The following MAPK4 variants were observed in gnomAD, a reference collection of about 807,000 sequenced individuals.
MAPK4 encodes the protein Erk3-related.
In MAPK4, 22 loss-of-function variants were observed where a neutral mutation model predicts 47.7. The ratio of observed to expected loss-of-function variants is 0.46; its 90% CI spans 0.33 to 0.66. The LOEUF (loss-of-function observed/expected upper bound fraction) is 0.66, where lower values mean the gene tolerates loss of function less well. Among genes scored for constraint, MAPK4 ranks in the 30% least tolerant of loss-of-function variants. MAPK4 has a pLI of 0.02. For missense variants in MAPK4, 736 were observed against 831.7 expected (o/e 0.88, Z 1.42); for synonymous variants, 390 against 365.7 (o/e 1.07, Z -0.76).
chr18:50,697,188 T>C (rs1156750262), intron 2 of MAPK4, among the ~76,000 whole-genome samples: 1 of 152,244 alleles, frequency 6.6e-6, no homozygotes, highest in Admixed American at 6.5e-5. Flanking sequence ...ATAGCATAGC[T>C]GTTCAAAACA....
chr18:50,639,523 GA>G (rs199700765), intron 1 of MAPK4, among the ~76,000 whole-genome samples: 1,651 of 152,154 alleles, frequency 0.011, 14 homozygotes, highest in Middle Eastern at 0.017. Flanking sequence ...AGAAAATGCA[GA>G]AAATTATAAA....
At chr18:50,593,679 C>A (rs1721410779) in intron 1 of MAPK4, among the ~76,000 whole-genome samples, 1 of 152,074 alleles carries the variant, frequency 6.6e-6, no homozygotes, top group Non-Finnish European at 1.5e-5. Flanking sequence ...TGATGCAGTC[C>A]CAGTGAAAAC....
In MAPK4 at chr18:50,730,588, CG is replaced by C. The variant is rs1174775743; in HGVS notation, c.*736del. 2.0e-5 allele frequency: 3 copies of C among 152,666 alleles called. No individual in the cohort carries two copies. Among genetic ancestry groups the C allele is most frequent in the Non-Finnish European group, 4.4e-5 (3 of 68,084 alleles). 9.5% of individuals were successfully genotyped at this position (152,666 alleles called of 1,614,324 possible). On this transcript the variant is annotated 3_prime_UTR_variant, in exon 6 of 6. Transcript: ENST00000400384. ...TGTATTTGCCTCACCCCTGCATGGTCGGAAATCTTCGTTTCAGGTCAGAACA... is the reference window on the plus strand; with the variant it reads ...TGTATTTGCCTCACCCCTGCATGGTCGAAATCTTCGTTTCAGGTCAGAACA...
chr18:50,602,856 C>T (rs4939639), intron 1 of MAPK4, among the ~76,000 whole-genome samples: 61,448 of 151,952 alleles, frequency 0.4, 13,418 homozygotes, highest in Non-Finnish European at 0.49. Context: ...AAGGACCCTG[C>T]TTCAGGGAAG....
intron 1 of MAPK4, among the ~76,000 whole-genome samples, chr18:50,591,289 A>G (rs911684055): frequency 3.3e-5 from 5 of 152,150 alleles, no homozygotes; most frequent in African/African-American, 1.2e-4. Context: ...GTTTAGGAAT[A>G]GGCTTAAGAT....
At chr18:50,667,637 C>CA (rs1568071895) in intron 2 of MAPK4, among the ~76,000 whole-genome samples, 2 of 152,074 alleles carry the variant, frequency 1.3e-5, no homozygotes, top group Admixed American at 6.5e-5. Flanking sequence ...TTGTGTGGGA[C>CA]AAAAAAATGC....
intron 1 of MAPK4, among the ~76,000 whole-genome samples, chr18:50,568,272 C>A (rs2042219633): frequency 6.6e-6 from 1 of 151,984 alleles, no homozygotes; most frequent in African/African-American, 2.4e-5. Context: ...ATCTTCAGTT[C>A]CATGTTTCAG....
At chr18:50,696,712 G>A (rs762211319) in intron 2 of MAPK4, among the ~76,000 whole-genome samples, 9 of 152,182 alleles carry the variant, frequency 5.9e-5, no homozygotes, top group African/African-American at 1.7e-4. Flanking sequence ...TTTTAACAGC[G>A]TAACTTGTTT....
At chr18:50,726,949 A>G (rs1911235615) in intron 5 of MAPK4, among the ~76,000 whole-genome samples, 1 of 152,086 alleles carries the variant, frequency 6.6e-6, no homozygotes, top group African/African-American at 2.4e-5. Flanking sequence ...GACTGGCATC[A>G]TGTCACACCC....
chr18:50,729,487 C>G lies in MAPK4; in HGVS notation c.1397C>G (p.Ala466Gly). 1.4e-6 allele frequency: 2 copies of G among 1,465,366 alleles called. No homozygotes were observed. Among genetic ancestry groups the G allele is most frequent in the South Asian group, 2.7e-5 (2 of 73,816 alleles). 90.8% of individuals were successfully genotyped at this position (1,465,366 alleles called of 1,614,324 possible). A position where few individuals can be genotyped will look rare whatever the true frequency, so the allele number is the denominator to read the frequency against. Residue 466 changes from alanine (A) to glycine (G), a missense_variant, in exon 6 of 6, where the codon GCG (alanine) becomes GGG (glycine). Coordinates refer to ENST00000400384, the MANE Select transcript of MAPK4 (RefSeq NM_002747.4). ...LILDLSHWKQAAGAPPTATGL... is the reference protein window; with the variant it reads ...LILDLSHWKQGAGAPPTATGL... ...CTGGACCTGTCGCACTGGAAGCAGGCGGCCGGCGCGCCCCCCACGGCCACG... is the reference window on the plus strand; with the variant it reads ...CTGGACCTGTCGCACTGGAAGCAGGGGGCCGGCGCGCCCCCCACGGCCACG...
intron 1 of MAPK4, among the ~76,000 whole-genome samples, chr18:50,620,324 G>A (rs2042720822): frequency 6.6e-6 from 1 of 152,178 alleles, no homozygotes; most frequent in Non-Finnish European, 1.5e-5. Context: ...CAAATCCAGT[G>A]TTCTTTCCAG....
chr18:50,669,172 A>ACAAG (rs1267943467), intron 2 of MAPK4: 3 of 152,278 alleles, frequency 2.0e-5, no homozygotes, highest in Non-Finnish European at 4.4e-5. Flanking sequence ...TGGTCCTGTG[A>ACAAG]CAAGCCCTTT....
At chr18:50,627,836 A>G (rs970215977) in intron 1 of MAPK4, among the ~76,000 whole-genome samples, 3 of 152,158 alleles carry the variant, frequency 2.0e-5, no homozygotes, top group African/African-American at 4.8e-5. Flanking sequence ...AGCCTCTCCA[A>G]ATTTCCTCAT....
chr18:50,653,932 T>C (rs2043079238), intron 1 of MAPK4, among the ~76,000 whole-genome samples: 1 of 152,168 alleles, frequency 6.6e-6, no homozygotes, highest in East Asian at 1.9e-4. Flanking sequence ...GCACATGGGC[T>C]CCGACTGAGT....
chr18:50,682,015 A>T (rs1356380042), intron 2 of MAPK4, among the ~76,000 whole-genome samples: 1 of 152,234 alleles, frequency 6.6e-6, no homozygotes, highest in Non-Finnish European at 1.5e-5. Context: ...AAATGTACAG[A>T]ATAGGCAAAC....
intron 3 of MAPK4, among the ~76,000 whole-genome samples, chr18:50,716,739 G>A (rs1448032663): frequency 1.3e-5 from 2 of 152,052 alleles, no homozygotes; most frequent in Admixed American, 6.6e-5. Flanking sequence ...TCCTAACCAT[G>A]CTGTCTTGGC....
intron 1 of MAPK4, among the ~76,000 whole-genome samples, chr18:50,625,473 C>T (rs1390905364): frequency 6.6e-6 from 1 of 152,150 alleles, no homozygotes; most frequent in South Asian, 2.1e-4. Context: ...GTCACAAACC[C>T]CCATTCCGTG....
intron 2 of MAPK4, among the ~76,000 whole-genome samples, chr18:50,698,224 G>C (rs1297452533): frequency 1.3e-5 from 2 of 152,208 alleles, no homozygotes; most frequent in African/African-American, 4.8e-5. Flanking sequence ...TGGCCAGGGG[G>C]CTTCTAGAAC....
Position 50,664,644 on chromosome 18 carries a change from G to A in MAPK4, c.546+140G>A. 1 of 943,382 alleles carries A rather than the reference G, an allele frequency of 1.1e-6. No individual in the cohort carries two copies. The highest frequency in any genetic ancestry group is 1.6e-5 in the African/African-American group (1 of 60,662). The allele number at this position is 943,382 out of a possible 1,614,324, so 58.4% of individuals were successfully genotyped here. On this transcript the variant is annotated intron_variant, in intron 2 of 5. Transcript: ENST00000400384. This position sits in a 1 kb window ranked among gnomAD's most constrained non-coding sequence, Gnocchi z 6.0. The stretch of plus-strand genomic sequence containing the variant: ...AGGGGAGGCTGGAGGGTGCTAGGAA[G>A]ATCACTAGCCTGAAAAGTTGTTGGA...
Sources: gnomAD v4.1 joint callset for allele counts (sites outside exome capture counted in the v4.1 genomes callset) on GRCh38, gnomAD v4.1.1 for gene constraint, Gnocchi (gnomAD v3.1) non-coding constraint, MANE v1.5 for transcripts, NCBI Gene and HGNC (gene_info 2026-07-23, HGNC 2026-07-21) for gene names.